The following SHC3 variants were observed in gnomAD, a reference collection of about 807,000 sequenced individuals.
SHC3 encodes SHC adaptor protein 3.
In SHC3, 15 loss-of-function variants were observed where a neutral mutation model predicts 60.4. That is an observed-to-expected ratio of 0.25 (90% CI 0.17 to 0.38). SHC3 has a LOEUF of 0.38. SHC3 is among the 10% of genes least tolerant of loss of function. The pLI, the probability that SHC3 is intolerant of heterozygous loss-of-function variation, is 1.00. For missense variants in SHC3, 677 were observed against 786.1 expected (o/e 0.86, Z 1.66); for synonymous variants, 294 against 325.9 (o/e 0.90, Z 1.05).
Position 89,178,283 on chromosome 9 carries a change from C to A in SHC3, c.178G>T (p.Gly60Trp). ...GEALRKAPDD[G>W]PGSLGHLLHK... ...AGCAGGTGGCCCAGGCTGCCGGGCC[C>A]ATCGTCGGGCGCCTTGCGCAGCGCC... is the stretch of plus-strand genomic sequence containing the variant. The change falls in exon 1 of 12, where the codon GGG (glycine) becomes TGG (tryptophan). Residue 60 changes from glycine to tryptophan, a missense_variant. Transcript: ENST00000375835. This position sits in a 1 kb window ranked among gnomAD's most constrained non-coding sequence, Gnocchi z 6.9. 1 of 1,558,116 alleles carries A rather than the reference C, an allele frequency of 6.4e-7. No homozygotes were observed. Among genetic ancestry groups the A allele is most frequent in the East Asian group, 2.5e-5 (1 of 40,226 alleles).
Position 89,062,804 on chromosome 9 carries a change from C to A in SHC3, c.835+2725G>T, listed in dbSNP as rs139639858. 6.5e-3 allele frequency among the ~76,000 whole-genome samples: 992 copies of A among 152,252 alleles called. 9 individuals are homozygous for A. The highest frequency in any genetic ancestry group is 0.023 in the African/African-American group (948 of 41,552). ...TTGCTACTCTGCCCAGTGGTAGAGG[C>A]CAATCTTCCTAAATTAACCCCTGTA... is the stretch of plus-strand genomic sequence containing the variant. On this transcript the variant is annotated intron_variant, in intron 6 of 11. Transcript: ENST00000375835.
intron 6 of SHC3, among the ~76,000 whole-genome samples, chr9:89,062,591 C>T (rs1825109217): frequency 6.6e-6 from 1 of 152,302 alleles, no homozygotes; most frequent in South Asian, 2.1e-4. Context: ...GTAACAGCAT[C>T]GAGGGACTTG....
chr9:89,177,525 G>A (rs1447547535), intron 1 of SHC3, among the ~76,000 whole-genome samples: 1 of 152,188 alleles, frequency 6.6e-6, no homozygotes, highest in Admixed American at 6.5e-5. Flanking sequence ...GCTGCGGGGG[G>A]CAACAAGATA....
chr9:89,043,041 G>A (rs1021164540), intron 9 of SHC3, among the ~76,000 whole-genome samples: 4 of 152,168 alleles, frequency 2.6e-5, no homozygotes, highest in Non-Finnish European at 4.4e-5. Context: ...ATCTTCTTAC[G>A]TAAACATGTT....
intron 6 of SHC3, among the ~76,000 whole-genome samples, chr9:89,053,024 T>C (rs1824886001): frequency 6.6e-6 from 1 of 152,182 alleles, no homozygotes. Flanking sequence ...GAAGTAGTAC[T>C]TTTTCTCCAG....
intron 7 of SHC3, among the ~76,000 whole-genome samples, chr9:89,048,314 C>T (rs977179409): frequency 2.0e-5 from 3 of 150,328 alleles, no homozygotes; most frequent in East Asian, 1.9e-4. Flanking sequence ...AGGTCATATA[C>T]CTATACACTC....
intron 7 of SHC3, among the ~76,000 whole-genome samples, chr9:89,051,737 C>T (rs1824865242): frequency 6.6e-6 from 1 of 152,222 alleles, no homozygotes; most frequent in South Asian, 2.1e-4. Flanking sequence ...GGAACCATCA[C>T]ATGGCTGCAG....
intron 2 of SHC3, among the ~76,000 whole-genome samples, chr9:89,103,519 C>CA (rs1825813306): frequency 6.6e-6 from 1 of 152,172 alleles, no homozygotes; most frequent in South Asian, 2.1e-4. Context: ...GGCTAGGCTA[C>CA]TATAGCCCAG....
At chr9:89,106,165 G>A (rs532372955) in intron 2 of SHC3, among the ~76,000 whole-genome samples, 2 of 152,294 alleles carry the variant, frequency 1.3e-5, no homozygotes, top group Admixed American at 1.3e-4. Flanking sequence ...CTGAGTATTA[G>A]TGTGGGCTGG....
chr9:89,035,889 G>GTA (rs1554690050), intron 11 of SHC3, among the ~76,000 whole-genome samples: 45 of 142,582 alleles, frequency 3.2e-4, no homozygotes, highest in African/African-American at 6.4e-4. Context: ...GTGTGTGTGT[G>GTA]TATTGGGTCT....
chr9:89,158,549 G>T (rs954949438), intron 1 of SHC3, among the ~76,000 whole-genome samples: 1 of 152,070 alleles, frequency 6.6e-6, no homozygotes, highest in Admixed American at 6.5e-5. Flanking sequence ...TGATTATTTT[G>T]TTCAGCTTTT....
At chr9:89,078,364 T>C (rs778469735) in intron 2 of SHC3, among the ~76,000 whole-genome samples, 1 of 152,168 alleles carries the variant, frequency 6.6e-6, no homozygotes, top group Non-Finnish European at 1.5e-5. Flanking sequence ...AAAAGAAACA[T>C]GGTCATCCCG....
chr9:89,146,237 G>C (rs1055309453), intron 1 of SHC3, among the ~76,000 whole-genome samples: 1 of 151,864 alleles, frequency 6.6e-6, no homozygotes, highest in Non-Finnish European at 1.5e-5. Context: ...GGTGCCTGTA[G>C]TCTCAGCTAC....
rs1281236114 is a variant in SHC3, at chr9:89,013,078, G to A, written c.*369C>T. 1 of 155,922 alleles carries A rather than the reference G, an allele frequency of 6.4e-6. No homozygotes were observed. The highest frequency in any genetic ancestry group is 2.4e-5 in the African/African-American group (1 of 41,356). 9.7% of individuals were successfully genotyped at this position (155,922 alleles called of 1,614,324 possible). On this transcript the variant is annotated 3_prime_UTR_variant, in exon 12 of 12. Transcript: ENST00000375835. ...TAAAACTGCAGGCTACACCTTCCTA[G>A]TGGCATTTCCCGGTGGGATGGGTCA...
At chr9:89,167,144 G>T (rs73500121) in intron 1 of SHC3, among the ~76,000 whole-genome samples, 49 of 152,260 alleles carry the variant, frequency 3.2e-4, no homozygotes, top group African/African-American at 8.2e-4. Flanking sequence ...GGCAATGAGG[G>T]TGACAGGGGT....
At position 89,126,256 on chromosome 9, in the gene SHC3, C is replaced by T. The variant is rs531449838; in HGVS notation, c.475-13630G>A. Among the ~76,000 whole-genome samples the T allele has an allele frequency of 4.6e-5, 7 of 152,254 alleles. No individual in the cohort carries two copies. The South Asian group carries it at 1.2e-3, about 27-fold the overall frequency. On this transcript the variant is annotated intron_variant, in intron 1 of 11. Coordinates refer to ENST00000375835, the MANE Select transcript of SHC3 (RefSeq NM_016848.6). ...CTAAAACAAAGTGGGTTAAAGGCCC[C>T]ACTTAATAAAAGGCAAGGATGAGTG...
At chr9:89,133,094 G>C (rs904962121) in intron 1 of SHC3, among the ~76,000 whole-genome samples, 54 of 152,128 alleles carry the variant, frequency 3.5e-4, no homozygotes, top group Non-Finnish European at 6.0e-4. Context: ...TCAAAAAGTG[G>C]GCAAAGGACA....
At chr9:89,108,402 T>A (rs557162167) in intron 2 of SHC3, among the ~76,000 whole-genome samples, 18 of 150,692 alleles carry the variant, frequency 1.2e-4, no homozygotes, top group Admixed American at 1.1e-3. Flanking sequence ...GCACCTGTGG[T>A]CCCAGCTACT....
rs1365881862 is a variant in SHC3, at chr9:89,065,520, A to C, written c.835+9T>G. The stretch of plus-strand genomic sequence containing the variant: ...AAACAAGAGATTAAAGGGGTCAAGC[A>C]CCGCTTACCTCTGCGATTAACAGGG... On this transcript the variant is annotated intron_variant, in intron 6 of 11. Transcript: ENST00000375835. 2.5e-6 allele frequency: 4 copies of C among 1,614,086 alleles called. No individual in the cohort carries two copies. Among genetic ancestry groups the C allele is most frequent in the Non-Finnish European group, 8.5e-7 (1 of 1,179,980 alleles).
Sources: gnomAD v4.1 joint callset for allele counts (sites outside exome capture counted in the v4.1 genomes callset) on GRCh38, gnomAD v4.1.1 for gene constraint, Gnocchi (gnomAD v3.1) non-coding constraint, MANE v1.5 for transcripts, NCBI Gene and HGNC (gene_info 2026-07-23, HGNC 2026-07-21) for gene names.